The following MAST4 variants were observed in gnomAD, a reference collection of about 807,000 sequenced individuals.
MAST4 encodes microtubule associated serine/threonine kinase family member 4.
MAST4 carries 89 observed loss-of-function variants against 162.7 expected under a neutral mutation model. The observed-to-expected ratio is 0.55, with a 90% CI of 0.46 to 0.65. The LOEUF (loss-of-function observed/expected upper bound fraction) is 0.65, where lower values mean the gene tolerates loss of function less well. MAST4 is among the 30% of genes least tolerant of loss of function. The probability of loss-of-function intolerance (pLI) is 0.00; values close to 1 mark genes in which losing one functional copy is unlikely to be tolerated. For synonymous variants in MAST4, 1,479 were observed against 1,361.1 expected (o/e 1.09, Z -1.91); for missense variants, 3,153 against 3,374.0 (o/e 0.93, Z 1.62).
rs749501030 is a variant in MAST4 at position 67,163,625 on chromosome 5, G to C, written c.4446G>C (p.Arg1482=). The C allele has an allele frequency of 4.4e-6, 7 of 1,604,824 alleles. No homozygotes were observed. Among genetic ancestry groups the C allele is most frequent in the Non-Finnish European group, 6.0e-6 (7 of 1,176,286 alleles). The change falls in exon 29 of 29, where the codon CGG becomes CGC. Residue 1482 remains arginine, a synonymous_variant. Coordinates refer to ENST00000403625, the MANE Select transcript of MAST4 (RefSeq NM_001164664.2). The surrounding 1 kb of genome is among the most constrained non-coding windows in gnomAD (Gnocchi z 7.0). ...AGGTGCAGCGGGAGCAGTCCCAGCG[G>C]GAGGCGCCGCTGCAGAGCCTGGATG... ...QEEVQREQSQ[R]EAPLQSLDEN...
At chr5:67,008,661 C>T (rs571180459) in intron 4 of MAST4, among the ~76,000 whole-genome samples, 22 of 152,290 alleles carry the variant, frequency 1.4e-4, no homozygotes, top group African/African-American at 3.9e-4. Context: ...CCATTTTCCA[C>T]GCCGATGGGT....
intron 4 of MAST4, among the ~76,000 whole-genome samples, chr5:66,919,978 T>TCCTTCTTTC: frequency 7.9e-6 from 1 of 126,964 alleles, no homozygotes; most frequent in East Asian, 2.3e-4. Context: ...CCTTCCTTCT[T>TCCTTCTTTC]TCTCTCTCTC....
At chr5:66,828,631 C>A in intron 3 of MAST4, 2 of 601,956 alleles carry the variant, frequency 3.3e-6, no homozygotes, top group Non-Finnish European at 5.8e-6. Context: ...TCTGAGCCCA[C>A]TTGCTGCTCT....
At chr5:66,994,811 A>G (rs1428196427) in intron 4 of MAST4, among the ~76,000 whole-genome samples, 1 of 151,984 alleles carries the variant, frequency 6.6e-6, no homozygotes, top group African/African-American at 2.4e-5. Flanking sequence ...TTTGAAATGA[A>G]GAGCATTATT....
At chr5:66,954,086 A>G (rs929675995) in intron 4 of MAST4, among the ~76,000 whole-genome samples, 18 of 152,116 alleles carry the variant, frequency 1.2e-4, no homozygotes, top group African/African-American at 3.6e-4. Flanking sequence ...ACCTTGTCAT[A>G]TATATATGTC....
At chr5:67,151,932 T>A (rs1383262243) in intron 24 of MAST4, among the ~76,000 whole-genome samples, 3 of 152,114 alleles carry the variant, frequency 2.0e-5, no homozygotes, top group Admixed American at 2.0e-4. Context: ...CTTTCCTGGC[T>A]AATTTTTTGT....
intron 4 of MAST4, among the ~76,000 whole-genome samples, chr5:66,979,261 G>A (rs1748496955): frequency 1.3e-5 from 2 of 152,170 alleles, no homozygotes; most frequent in Non-Finnish European, 1.5e-5. Context: ...TAATGTAGAT[G>A]AAGGTGTAGG....
intron 1 of MAST4, among the ~76,000 whole-genome samples, chr5:66,711,462 A>G (rs183706725): frequency 1.4e-4 from 22 of 152,116 alleles, no homozygotes; most frequent in African/African-American, 5.3e-4. Flanking sequence ...TCCTCAAAGC[A>G]TATAATTCCA....
At chr5:67,121,859 T>A (rs1767638156) in intron 14 of MAST4, among the ~76,000 whole-genome samples, 1 of 152,118 alleles carries the variant, frequency 6.6e-6, no homozygotes, top group Non-Finnish European at 1.5e-5. Flanking sequence ...TTTGTTTTTT[T>A]AAAAATTTAA....
chr5:66,822,784 A>G (rs537729348), intron 3 of MAST4, among the ~76,000 whole-genome samples: 27 of 152,270 alleles, frequency 1.8e-4, no homozygotes, highest in African/African-American at 5.5e-4. Context: ...AAAGGATCTG[A>G]CACCTTTCAC....
chr5:67,102,966 G>A (rs6863027), intron 9 of MAST4, among the ~76,000 whole-genome samples: 5,386 of 152,268 alleles, frequency 0.035, 317 homozygotes, highest in African/African-American at 0.12. Context: ...TTGTTAAGTA[G>A]AGACTGTTTT....
intron 2 of MAST4, among the ~76,000 whole-genome samples, chr5:66,786,815 A>C (rs1157696690): frequency 6.6e-6 from 1 of 152,264 alleles, no homozygotes; most frequent in African/African-American, 2.4e-5. Context: ...GATGGTGATC[A>C]GAACCACAGA....
chr5:66,938,271 T>C (rs1742980174), intron 4 of MAST4, among the ~76,000 whole-genome samples: 2 of 152,172 alleles, frequency 1.3e-5, no homozygotes, highest in African/African-American at 4.8e-5. Flanking sequence ...TAGTGTAAAA[T>C]ATGCTCCCTA....
intron 10 of MAST4, among the ~76,000 whole-genome samples, chr5:67,104,900 G>A (rs576799108): frequency 5.9e-5 from 9 of 152,254 alleles, no homozygotes; most frequent in African/African-American, 1.9e-4. Context: ...TTGCCTGAGC[G>A]TATGTGTGTT....
chr5:67,163,610 G>A lies in MAST4; in HGVS notation c.4431G>A (p.Arg1477=). Reference sequence around the variant, plus strand: ...AGGTGACCCAAGAGGAGGTGCAGCGGGAGCAGTCCCAGCGGGAGGCGCCGC... The same window carrying A: ...AGGTGACCCAAGAGGAGGTGCAGCGAGAGCAGTCCCAGCGGGAGGCGCCGC... The part of the protein sequence containing the change: ...SLEVTQEEVQ[R]EQSQREAPLQ... Residue 1477 remains arginine, a synonymous_variant, in exon 29 of 29, where the codon CGG becomes CGA. Coordinates refer to ENST00000403625, the MANE Select transcript of MAST4 (RefSeq NM_001164664.2). This position sits in a 1 kb window ranked among gnomAD's most constrained non-coding sequence, Gnocchi z 7.0. 6.2e-7 allele frequency: 1 copy of A among 1,602,338 alleles called. No homozygotes were observed. The highest frequency in any genetic ancestry group is 2.3e-5 in the East Asian group (1 of 44,288).
intron 5 of MAST4, among the ~76,000 whole-genome samples, chr5:67,078,927 T>TATATA (rs1762226429): frequency 1.2e-5 from 1 of 84,308 alleles, no homozygotes; most frequent in African/African-American, 5.8e-5. Context: ...TATATATATA[T>TATATA]ATATATATAT....
chr5:67,093,812 T>C (rs1051066280), intron 6 of MAST4, among the ~76,000 whole-genome samples: 1 of 152,238 alleles, frequency 6.6e-6, no homozygotes, highest in African/African-American at 2.4e-5. Flanking sequence ...TTTCTGATAA[T>C]TGCTATTAAA....
intron 12 of MAST4, among the ~76,000 whole-genome samples, chr5:67,115,508 T>G (rs1055870644): frequency 1.3e-5 from 2 of 152,196 alleles, no homozygotes; most frequent in South Asian, 4.1e-4. Flanking sequence ...GCCAGATAAA[T>G]TTATACTGTA....
intron 4 of MAST4, among the ~76,000 whole-genome samples, chr5:67,023,250 C>G (rs1022150546): frequency 2.0e-4 from 31 of 152,232 alleles, no homozygotes; most frequent in African/African-American, 6.7e-4. Context: ...GCTATGACTT[C>G]AGTTTCTGGA....
Sources: gnomAD v4.1 joint callset for allele counts (sites outside exome capture counted in the v4.1 genomes callset) on GRCh38, gnomAD v4.1.1 for gene constraint, Gnocchi (gnomAD v3.1) non-coding constraint, MANE v1.5 for transcripts, NCBI Gene and HGNC (gene_info 2026-07-23, HGNC 2026-07-21) for gene names.